CYTH2: variants seen among roughly 807,000 people sequenced by gnomAD.
CYTH2 encodes cytohesin 2.
In CYTH2, 24 loss-of-function variants were observed where a neutral mutation model predicts 55.4. The observed-to-expected ratio is 0.43, with a 90% CI of 0.31 to 0.61. CYTH2 has a LOEUF of 0.61. CYTH2 is among the 20% of genes least tolerant of loss of function. The pLI is 0.08. For synonymous variants in CYTH2, 221 were observed against 209.6 expected, an observed-to-expected ratio of 1.05 and a Z score of -0.47; for missense variants, 378 against 533.5, an observed-to-expected ratio of 0.71 and a Z score of 2.87.
In CYTH2 at chr19:48,474,795, G is replaced by T. The variant is rs761248831; in HGVS notation, c.697-43G>T. On this transcript the variant is annotated intron_variant, in intron 7 of 11. Transcript: ENST00000452733. The surrounding 1 kb of genome is among the most constrained non-coding windows in gnomAD (Gnocchi z 4.9). Reference sequence around the variant, plus strand: ...CCCCCACCCTGAGTAACCCTGGGGGGCCCCAGGGGGCTCGAATGGCTAATG... The same window carrying T: ...CCCCCACCCTGAGTAACCCTGGGGGTCCCCAGGGGGCTCGAATGGCTAATG... 1.9e-6 allele frequency: 3 copies of T among 1,594,024 alleles called. No homozygotes were observed. Among genetic ancestry groups the T allele is most frequent in the Middle Eastern group, 1.7e-4 (1 of 6,038 alleles).
chr19:48,474,463 G>A lies in CYTH2; in HGVS notation c.696+133G>A. 1 of 992,106 alleles carries A rather than the reference G, an allele frequency of 1.0e-6. No homozygotes were observed. The highest frequency in any genetic ancestry group is 1.4e-6 in the Non-Finnish European group (1 of 697,118). 61.5% of individuals were successfully genotyped at this position (992,106 alleles called of 1,614,324 possible). A position where few individuals can be genotyped will look rare whatever the true frequency, so the allele number is the denominator to read the frequency against. ...ATGGTGCGATCATGCCAACTCGTGTGTGATCTTTTTCTCTCTCTCTGGGTG... is the reference window on the plus strand; with the variant it reads ...ATGGTGCGATCATGCCAACTCGTGTATGATCTTTTTCTCTCTCTCTGGGTG... On this transcript the variant is annotated intron_variant, in intron 7 of 11. Transcript: ENST00000452733. The surrounding 1 kb of genome is among the most constrained non-coding windows in gnomAD (Gnocchi z 4.9).
rs1223476119 is a variant in CYTH2, at chr19:48,480,866, T to C, written c.*1656T>C. The stretch of plus-strand genomic sequence containing the variant: ...CTGCCGCCTCCCCGGATGAACTGCA[T>C]GCAGGGCGGCCGGCTCCGTGGCAGG... On this transcript the variant is annotated 3_prime_UTR_variant, in exon 12 of 12. Transcript: ENST00000452733. 1.3e-5 allele frequency: 2 copies of C among 152,188 alleles called. No individual in the cohort carries two copies. Among genetic ancestry groups the C allele is most frequent in the Admixed American group, 6.5e-5 (1 of 15,284 alleles). 9.4% of individuals were successfully genotyped at this position (152,188 alleles called of 1,614,324 possible).
rs560694132 is a variant in CYTH2 at position 48,475,024 on chromosome 19, G to C, written c.808+75G>C. 3.1e-6 allele frequency: 4 copies of C among 1,302,334 alleles called. No individual in the cohort carries two copies. The East Asian group carries it at 9.3e-5, about 30-fold the overall frequency. 80.7% of individuals were successfully genotyped at this position (1,302,334 alleles called of 1,614,324 possible). A position where few individuals can be genotyped will look rare whatever the true frequency, so the allele number is the denominator to read the frequency against. On this transcript the variant is annotated intron_variant, in intron 8 of 11. Coordinates refer to ENST00000452733, the MANE Select transcript of CYTH2 (RefSeq NM_004228.7). The stretch of plus-strand genomic sequence containing the variant: ...GGCCTGGGCCCTGGACTCAGCTTCC[G>C]CACACACCTGCTGCCTGAACTGAGG...
chr19:48,473,850 T>G (rs1971852701), intron 5 of CYTH2, 55 bp from the exon 6 acceptor site: 2 of 1,396,076 alleles, frequency 1.4e-6, no homozygotes, highest in Non-Finnish European at 2.0e-6. Context: ...GGACTGAGAG[T>G]GGGGACAGGC....
chr19:48,477,058 T>A (rs1430919816), intron 8 of CYTH2: 1 of 152,226 alleles, frequency 6.6e-6, no homozygotes, highest in Non-Finnish European at 1.5e-5. Flanking sequence ...AAGATGGAAA[T>A]ACAGGAGTGG....
At chr19:48,475,039 C>T in intron 8 of CYTH2, 90 bp downstream of exon 8, 4 of 1,159,372 alleles carry the variant, frequency 3.5e-6, no homozygotes, top group Non-Finnish European at 3.7e-6. Context: ...CACCTGCTGC[C>T]TGAACTGAGG....
At chr19:48,473,779 A>G in intron 5 of CYTH2, 126 bp from the exon 6 acceptor site, 1 of 720,458 alleles carries the variant, frequency 1.4e-6, no homozygotes, top group South Asian at 1.9e-5. Flanking sequence ...ATGTGACCAT[A>G]CCTGAAACAA....
rs548442097 is a variant in CYTH2, at chr19:48,474,133, C to G, written c.548-49C>G. On this transcript the variant is annotated intron_variant, in intron 6 of 11. Transcript: ENST00000452733. The surrounding 1 kb of genome is among the most constrained non-coding windows in gnomAD (Gnocchi z 4.9). ...TCCTGGGTCCTGGGGAATGGGGGCA[C>G]TGGGGACTGACATGCCTGGGTCGTC... is the stretch of plus-strand genomic sequence containing the variant. The G allele has an allele frequency of 1.8e-4, 275 of 1,556,798 alleles. 4 individuals are homozygous for G. The East Asian group carries it at 6.0e-3, about 34-fold the overall frequency.
chr19:48,478,718 G>A, intron 11 of CYTH2, 126 bp downstream of exon 11: 1 of 790,520 alleles, frequency 1.3e-6, no homozygotes, highest in Non-Finnish European at 1.9e-6. Context: ...TGGACGCCTG[G>A]GTCTGACGGA....
At position 48,479,603 on chromosome 19, in the gene CYTH2, A is replaced by G. The variant is rs1251507253; in HGVS notation, c.*393A>G. 1 of 212,316 alleles carries G rather than the reference A, an allele frequency of 4.7e-6. No individual in the cohort carries two copies. The highest frequency in any genetic ancestry group is 2.3e-5 in the African/African-American group (1 of 44,138). The allele number at this position is 212,316 out of a possible 1,614,324, so 13.2% of individuals were successfully genotyped here. A position where few individuals can be genotyped will look rare whatever the true frequency, so the allele number is the denominator to read the frequency against. On this transcript the variant is annotated 3_prime_UTR_variant, in exon 12 of 12. Transcript: ENST00000452733. Reference sequence around the variant, plus strand: ...TCTGGAGTTGGAATTGGCCGGGGACAGAGTTTAGAATGCAGGGATTCAGGG... The same window carrying G: ...TCTGGAGTTGGAATTGGCCGGGGACGGAGTTTAGAATGCAGGGATTCAGGG...
rs1431507806 is a variant in CYTH2, at chr19:48,473,266, A to G, written c.354-32A>G. 6 of 1,612,554 alleles carry G rather than the reference A, an allele frequency of 3.7e-6. No individual in the cohort carries two copies. The East Asian group carries it at 1.1e-4, about 30-fold the overall frequency. On this transcript the variant is annotated intron_variant, in intron 4 of 11. Coordinates refer to ENST00000452733, the MANE Select transcript of CYTH2 (RefSeq NM_004228.7). ...TGCCCATTCCTGCCCCATCCTTTCC[A>G]AACTGTATGTGTCTTTGTCCCATCC... is the stretch of plus-strand genomic sequence containing the variant.
rs531819261 is a variant in CYTH2 at position 48,470,121 on chromosome 19, C to G, written c.20-232C>G. On this transcript the variant is annotated intron_variant, in intron 1 of 11. Transcript: ENST00000452733. ...AGCTCAGGCACCCATTCCCCTTCTC[C>G]CTCAGACTCAGGAATCCGGGCCCCA... 677 of 723,980 alleles carry G rather than the reference C, an allele frequency of 9.4e-4. 5 individuals are homozygous for G. In the African/African-American group the frequency reaches 0.011, roughly 12 times the overall value. 44.8% of individuals were successfully genotyped at this position (723,980 alleles called of 1,614,324 possible).
chr19:48,472,219 C>G, intron 3 of CYTH2, 106 bp from the exon 4 acceptor site: 1 of 942,778 alleles, frequency 1.1e-6, no homozygotes, highest in Non-Finnish European at 1.7e-6. Context: ...GAAACCTGGC[C>G]CTGGTCTGTT....
At chr19:48,473,090 C>T in intron 4 of CYTH2, 3 of 577,810 alleles carry the variant, frequency 5.2e-6, no homozygotes, top group Non-Finnish European at 9.3e-6. Context: ...AAGCAGGGTT[C>T]CCAAGCCAGA....
intron 3 of CYTH2, among the ~76,000 whole-genome samples, chr19:48,471,636 T>A (rs2147503985): frequency 6.6e-6 from 1 of 152,246 alleles, no homozygotes; most frequent in Middle Eastern, 3.4e-3. Context: ...GCACAGAGAG[T>A]GAGAGAAACC....
chr19:48,472,638 G>A, intron 4 of CYTH2, 195 bp downstream of exon 4: 1 of 633,834 alleles, frequency 1.6e-6, no homozygotes, highest in Non-Finnish European at 2.9e-6. Flanking sequence ...CCAACCGAGA[G>A]CATCTGGGGA....
chr19:48,473,341 C>A lies in CYTH2; in HGVS notation c.397C>A (p.His133Asn). Reference protein sequence around the residue: ...LAVLHAFVDLHEFTDLNLVQA... With the variant: ...LAVLHAFVDLNEFTDLNLVQA... The stretch of plus-strand genomic sequence containing the variant: ...AGTGCTCCATGCTTTTGTGGATCTG[C>A]ATGAGTTCACCGACCTCAATCTGGT... The change falls in exon 5 of 12, where the codon CAT (histidine) becomes AAT (asparagine). Residue 133 changes from histidine (H) to asparagine (N), a missense_variant. Coordinates refer to ENST00000452733, the MANE Select transcript of CYTH2 (RefSeq NM_004228.7). 2.5e-6 allele frequency: 4 copies of A among 1,614,128 alleles called. No homozygotes were observed. Among genetic ancestry groups the A allele is most frequent in the Non-Finnish European group, 1.7e-6 (2 of 1,179,996 alleles).
chr19:48,472,614 A>G (rs1971826620), intron 4 of CYTH2, 171 bp downstream of exon 4: 1 of 687,676 alleles, frequency 1.5e-6, no homozygotes, highest in African/African-American at 1.8e-5. Flanking sequence ...GACATGGGCT[A>G]GGGGAGCCTG....
In CYTH2 at chr19:48,474,793, G is replaced by A; in HGVS notation, c.697-45G>A. 1 of 1,600,758 alleles carries A rather than the reference G, an allele frequency of 6.2e-7. No individual in the cohort carries two copies. On this transcript the variant is annotated intron_variant, in intron 7 of 11. Coordinates refer to ENST00000452733, the MANE Select transcript of CYTH2 (RefSeq NM_004228.7). This position sits in a 1 kb window ranked among gnomAD's most constrained non-coding sequence, Gnocchi z 4.9. ...GCCCCCCACCCTGAGTAACCCTGGG[G>A]GGCCCCAGGGGGCTCGAATGGCTAA...
Sources: gnomAD v4.1 joint callset for allele counts (sites outside exome capture counted in the v4.1 genomes callset) on GRCh38, gnomAD v4.1.1 for gene constraint, Gnocchi (gnomAD v3.1) non-coding constraint, MANE v1.5 for transcripts, NCBI Gene and HGNC (gene_info 2026-07-23, HGNC 2026-07-21) for gene names.